Variants in SDR42E1 observed in about 807,000 individuals in gnomAD.
SDR42E1 encodes short chain dehydrogenase/reductase family 42E, member 1, also known as short-chain dehydrogenase/reductase family 42E member 1.
SDR42E1 carries 5 observed loss-of-function variants against 2.6 expected under a neutral mutation model. The observed-to-expected ratio is 1.94, with a 90% CI of 1.01 to 4.08. The LOEUF (loss-of-function observed/expected upper bound fraction) is 4.08, where lower values mean the gene tolerates loss of function less well. Among genes scored for constraint, SDR42E1 ranks in the 30% most tolerant of loss-of-function variants. The pLI, the probability that SDR42E1 is intolerant of heterozygous loss-of-function variation, is 0.00. For synonymous variants in SDR42E1, 231 were observed against 188.3 expected, an observed-to-expected ratio of 1.23 and a Z score of -1.86; for missense variants, 596 against 478.6, an observed-to-expected ratio of 1.25 and a Z score of -2.29.
At position 81,997,754 on chromosome 16, in the gene SDR42E1, A is replaced by G. The variant is rs1354411749; in HGVS notation, c.*1357T>C. 6.6e-6 allele frequency: 1 copy of G among 152,220 alleles called. No individual in the cohort carries two copies. Among genetic ancestry groups the G allele is most frequent in the Non-Finnish European group, 1.5e-5 (1 of 68,038 alleles). 9.4% of individuals were successfully genotyped at this position (152,220 alleles called of 1,614,324 possible). On this transcript the variant is annotated 3_prime_UTR_variant, in exon 3 of 3. Transcript: ENST00000328945. The stretch of plus-strand genomic sequence containing the variant: ...GTTTATACAAAGGGCAAATGCAGTC[A>G]GTCCCAGCTCCCAAGTGAGGAAGCT...
At position 81,994,729 on chromosome 16, in the gene SDR42E1, G is replaced by A. The variant is rs991952966; in HGVS notation, c.*4382C>T. 5 of 152,174 alleles carry A rather than the reference G, an allele frequency of 3.3e-5. No individual in the cohort carries two copies. The allele number at this position is 152,174 out of a possible 1,614,324, so 9.4% of individuals were successfully genotyped here. On this transcript the variant is annotated 3_prime_UTR_variant, in exon 3 of 3. Transcript: ENST00000328945. ...TCTAATTGGGTCAGAGCTGGGGCGT[G>A]GCATTCTGCAGGCAACTTCTACCCT...
intron 1 of SDR42E1, among the ~76,000 whole-genome samples, chr16:82,009,842 C>A (rs1398067164): frequency 1.3e-5 from 2 of 152,192 alleles, no homozygotes; most frequent in Non-Finnish European, 2.9e-5. Flanking sequence ...GTGTCTCCAC[C>A]CAAATCTCAC....
Position 81,994,972 on chromosome 16 carries a change from C to T in SDR42E1, c.*4139G>A, listed in dbSNP as rs986129452. On this transcript the variant is annotated 3_prime_UTR_variant, in exon 3 of 3. Coordinates refer to ENST00000328945, the MANE Select transcript of SDR42E1 (RefSeq NM_145168.3). ...TGCCAGAATGAGTTATTTGACCCTC[C>T]ACTAACTGTTACTGCTTGTAATGTG... The T allele has an allele frequency of 6.6e-6, 1 of 152,174 alleles. No homozygotes were observed. The highest frequency in any genetic ancestry group is 2.4e-5 in the African/African-American group (1 of 41,440). 9.4% of individuals were successfully genotyped at this position (152,174 alleles called of 1,614,324 possible). A position where few individuals can be genotyped will look rare whatever the true frequency, so the allele number is the denominator to read the frequency against.
Position 81,994,080 on chromosome 16 carries a change from T to C in SDR42E1, c.*5031A>G, listed in dbSNP as rs551154771. The C allele has an allele frequency of 1.3e-5, 2 of 152,250 alleles. No individual in the cohort carries two copies. Among genetic ancestry groups the C allele is most frequent in the East Asian group, 3.9e-4 (2 of 5,180 alleles). The allele number at this position is 152,250 out of a possible 1,614,324, so 9.4% of individuals were successfully genotyped here. On this transcript the variant is annotated 3_prime_UTR_variant, in exon 3 of 3. Coordinates refer to ENST00000328945, the MANE Select transcript of SDR42E1 (RefSeq NM_145168.3). ...ACTGTGGACATGGCACACCAGGACA[T>C]GCTGCGATTCCTGGAGAAAAATCGA...
rs1429409932 is a variant in SDR42E1 at position 81,990,549 on chromosome 16, T to G, written c.*8562A>C. ...CTTCCATCTTTCCCAGCAGAAACAC[T>G]ATTAATTAAGGATCCATGTGCATAG... On this transcript the variant is annotated 3_prime_UTR_variant, in exon 3 of 3. Transcript: ENST00000328945. The G allele has an allele frequency of 6.6e-6, 1 of 152,160 alleles. No individual in the cohort carries two copies. The highest frequency in any genetic ancestry group is 2.4e-5 in the African/African-American group (1 of 41,432). The allele number at this position is 152,160 out of a possible 1,614,324, so 9.4% of individuals were successfully genotyped here.
chr16:81,999,742 C>T lies in SDR42E1; in HGVS notation c.551G>A (p.Arg184Lys). The change falls in exon 3 of 3, where the codon AGG becomes AAG. Residue 184 changes from arginine to lysine, a missense_variant. Physicochemically the swap from Arg to Lys is conservative, Grantham distance 26 (BLOSUM62 2). Transcript: ENST00000328945. ...TCCAGGCCCATAGATGCCAGCTGGC[C>T]TCAGAGCGCAGGTTCTTAAGACACC... The part of the protein sequence containing the change: ...GDGVLRTCAL[R>K]PAGIYGPGEQ... 2 of 1,614,168 alleles carry T rather than the reference C, an allele frequency of 1.2e-6. No individual in the cohort carries two copies. The highest frequency in any genetic ancestry group is 1.7e-6 in the Non-Finnish European group (2 of 1,180,008).
intron 1 of SDR42E1, among the ~76,000 whole-genome samples, chr16:82,001,876 T>G (rs1597177803): frequency 1.5e-5 from 2 of 133,400 alleles, no homozygotes; most frequent in South Asian, 5.0e-4. Flanking sequence ...CACTCTAGCC[T>G]GGGCGACAGA....
chr16:81,997,863 T>C lies in SDR42E1; in HGVS notation c.*1248A>G, dbSNP rs1912583387. On this transcript the variant is annotated 3_prime_UTR_variant, in exon 3 of 3. Coordinates refer to ENST00000328945, the MANE Select transcript of SDR42E1 (RefSeq NM_145168.3). ...TATTATGACATCAAGTTCAGAGCTT[T>C]TCTGAAAATATCCAGGCAGCATTCC... 1 of 152,206 alleles carries C rather than the reference T, an allele frequency of 6.6e-6. No individual in the cohort carries two copies. Among genetic ancestry groups the C allele is most frequent in the Admixed American group, 6.5e-5 (1 of 15,278 alleles). 9.4% of individuals were successfully genotyped at this position (152,206 alleles called of 1,614,324 possible). A position where few individuals can be genotyped will look rare whatever the true frequency, so the allele number is the denominator to read the frequency against.
Position 81,996,915 on chromosome 16 carries a change from G to A in SDR42E1, c.*2196C>T, listed in dbSNP as rs985028183. 6.6e-6 allele frequency: 1 copy of A among 152,222 alleles called. No homozygotes were observed. The highest frequency in any genetic ancestry group is 1.5e-5 in the Non-Finnish European group (1 of 68,072). The allele number at this position is 152,222 out of a possible 1,614,324, so 9.4% of individuals were successfully genotyped here. On this transcript the variant is annotated 3_prime_UTR_variant, in exon 3 of 3. Transcript: ENST00000328945. ...TGTAAACACCCGAGACTGTGGAAAC[G>A]ACAGTGCATGGCTGTGGCTGTGAGT... is the stretch of plus-strand genomic sequence containing the variant.
chr16:82,007,565 C>G (rs1912982055), intron 1 of SDR42E1: 2 of 152,232 alleles, frequency 1.3e-5, no homozygotes, highest in South Asian at 2.1e-4. Context: ...CCAGGTGCAT[C>G]TGACTCTACA....
Position 81,989,322 on chromosome 16 carries a change from G to A in SDR42E1, c.*9789C>T, listed in dbSNP as rs1912375262. ...GGTGGGAGACAGTAGTATGGGGAAAGACATGAACACCACAGCCCTGTTTTC... is the reference window on the plus strand; with the variant it reads ...GGTGGGAGACAGTAGTATGGGGAAAAACATGAACACCACAGCCCTGTTTTC... On this transcript the variant is annotated 3_prime_UTR_variant, in exon 3 of 3. Transcript: ENST00000328945. 6.6e-6 allele frequency: 1 copy of A among 152,166 alleles called. No individual in the cohort carries two copies. The highest frequency in any genetic ancestry group is 6.5e-5 in the Admixed American group (1 of 15,280). The allele number at this position is 152,166 out of a possible 1,614,324, so 9.4% of individuals were successfully genotyped here. A position where few individuals can be genotyped will look rare whatever the true frequency, so the allele number is the denominator to read the frequency against.
chr16:81,997,047 G>A lies in SDR42E1; in HGVS notation c.*2064C>T, dbSNP rs1289837238. 1 of 152,240 alleles carries A rather than the reference G, an allele frequency of 6.6e-6. No homozygotes were observed. Among genetic ancestry groups the A allele is most frequent in the Admixed American group, 6.5e-5 (1 of 15,288 alleles). The allele number at this position is 152,240 out of a possible 1,614,324, so 9.4% of individuals were successfully genotyped here. On this transcript the variant is annotated 3_prime_UTR_variant, in exon 3 of 3. Transcript: ENST00000328945. Reference sequence around the variant, plus strand: ...AGCGTATTGTCCCTTGGCAGTCTGAGCAGAAGCTCACAGTGGAGAACTTAC... The same window carrying A: ...AGCGTATTGTCCCTTGGCAGTCTGAACAGAAGCTCACAGTGGAGAACTTAC...
rs370358690 is a variant in SDR42E1, at chr16:81,999,788, T to C, written c.505A>G (p.Thr169Ala). 59 of 1,614,180 alleles carry C rather than the reference T, an allele frequency of 3.7e-5. No homozygotes were observed. The African/African-American group carries it at 7.3e-4, about 20-fold the overall frequency. The change falls in exon 3 of 3, where the codon ACA (threonine) becomes GCA (alanine). Residue 169 changes from threonine to alanine, a missense_variant. By Grantham distance (58) the Thr-to-Ala change is moderately conservative. Transcript: ENST00000328945. ...ACACCGTCGCCTCTGTCCAGGGGTG[T>C]AGCATTCGCCTCCAGCACCTTCTGC... ...AEQKVLEANA[T>A]PLDRGDGVLR...
At position 81,991,452 on chromosome 16, in the gene SDR42E1, C is replaced by T. The variant is rs139237903; in HGVS notation, c.*7659G>A. The T allele has an allele frequency of 6.6e-6, 1 of 152,130 alleles. No individual in the cohort carries two copies. Among genetic ancestry groups the T allele is most frequent in the African/African-American group, 2.4e-5 (1 of 41,414 alleles). 9.4% of individuals were successfully genotyped at this position (152,130 alleles called of 1,614,324 possible). On this transcript the variant is annotated 3_prime_UTR_variant, in exon 3 of 3. Coordinates refer to ENST00000328945, the MANE Select transcript of SDR42E1 (RefSeq NM_145168.3). ...AGAGTTTGGGCCAGGCTCGGTGGCT[C>T]ATACCTGTAATCCCAGCACTTTGGG...
At chr16:82,007,548 C>T (rs1037375059) in intron 1 of SDR42E1, 5 of 152,162 alleles carry the variant, frequency 3.3e-5, no homozygotes, top group African/African-American at 1.2e-4. Flanking sequence ...GGATCTGTAC[C>T]AATAACCCAG....
rs757177952 is a variant in SDR42E1 at position 82,000,104 on chromosome 16, G to C, written c.189C>G (p.Asp63Glu). The part of the protein sequence containing the change: ...FIQGDIRHLS[D>E]VEKAFQDADV... ...CTGCATCCTGGAAGGCTTTCTCTAC[G>C]TCAGACAGGTGGCGGATGTCTCCTT... Residue 63 changes from aspartate to glutamate, a missense_variant, in exon 3 of 3, where the codon GAC (aspartate) becomes GAG (glutamate). By Grantham distance (45) the Asp-to-Glu change is conservative. Transcript: ENST00000328945. The C allele has an allele frequency of 1.2e-6, 2 of 1,614,060 alleles. No individual in the cohort carries two copies. The highest frequency in any genetic ancestry group is 1.7e-6 in the Non-Finnish European group (2 of 1,180,044).
chr16:81,999,239 C>G lies in SDR42E1; in HGVS notation c.1054G>C (p.Ala352Pro), dbSNP rs763840563. The change falls in exon 3 of 3, where the codon GCC becomes CCC. Residue 352 changes from alanine to proline, a missense_variant. By Grantham distance (27) the Ala-to-Pro change is conservative (BLOSUM62 -1). Transcript: ENST00000328945. ...DLQEAVEWFK[A>P]HGHGRSSGSR... ...CCAGAACTTCTGCCATGACCATGGG[C>G]TTTAAACCATTCCACTGCTTCCTGG... 4 of 1,614,094 alleles carry G rather than the reference C, an allele frequency of 2.5e-6. No individual in the cohort carries two copies. The highest frequency in any genetic ancestry group is 3.3e-5 in the Admixed American group (2 of 60,002).
Position 81,996,453 on chromosome 16 carries a change from G to C in SDR42E1, c.*2658C>G, listed in dbSNP as rs1912543527. 6.6e-6 allele frequency: 1 copy of C among 152,206 alleles called. No individual in the cohort carries two copies. The highest frequency in any genetic ancestry group is 2.4e-5 in the African/African-American group (1 of 41,444). 9.4% of individuals were successfully genotyped at this position (152,206 alleles called of 1,614,324 possible). A position where few individuals can be genotyped will look rare whatever the true frequency, so the allele number is the denominator to read the frequency against. On this transcript the variant is annotated 3_prime_UTR_variant, in exon 3 of 3. Coordinates refer to ENST00000328945, the MANE Select transcript of SDR42E1 (RefSeq NM_145168.3). The stretch of plus-strand genomic sequence containing the variant: ...GGGATGGGAAATTCAGCAGGTAGTG[G>C]AGATATTTACTAAGGAAGGGAGCCC...
intron 1 of SDR42E1, among the ~76,000 whole-genome samples, chr16:82,002,138 AAG>A (rs1912789166): frequency 6.6e-6 from 1 of 152,122 alleles, no homozygotes; most frequent in Admixed American, 6.5e-5. Context: ...TTCAACATGG[AAG>A]AGTGTGGAGA....
Sources: gnomAD v4.1 joint callset for allele counts (sites outside exome capture counted in the v4.1 genomes callset) on GRCh38, gnomAD v4.1.1 for gene constraint, MANE v1.5 for transcripts, NCBI Gene and HGNC (gene_info 2026-07-23, HGNC 2026-07-21) for gene names.